Variants in RASA3 observed in about 807,000 individuals in gnomAD.
RASA3 encodes ras GTPase-activating protein 3.
RASA3 carries 73 observed loss-of-function variants against 110.0 expected under a neutral mutation model. The observed-to-expected ratio is 0.66, with a 90% CI of 0.55 to 0.81. RASA3 has a LOEUF of 0.81. Ranked by LOEUF, RASA3 falls within the 30% of genes least tolerant of loss-of-function variation. RASA3 has a pLI of 0.00. For synonymous variants in RASA3, 500 were observed against 451.4 expected (o/e 1.11, Z -1.37); for missense variants, 976 against 1,113.2 (o/e 0.88, Z 1.75).
At position 113,996,593 on chromosome 13, in the gene RASA3, G is replaced by A. The variant is rs373782995; in HGVS notation, c.2079C>T (p.Ser693=). The A allele has an allele frequency of 8.1e-6, 13 of 1,613,460 alleles. No homozygotes were observed. The highest frequency in any genetic ancestry group is 3.3e-5 in the Admixed American group (2 of 60,002). Residue 693 remains serine (S), a synonymous_variant, in exon 21 of 24, where the codon AGC becomes AGT. Coordinates refer to ENST00000334062, the MANE Select transcript of RASA3 (RefSeq NM_007368.4). The part of the protein sequence containing the change: ...LTVYHPSAYL[S]GHWLCCRAPS... ...GCGCCCTACAGCACAGCCAGTGGCC[G>A]CTCAGGTAGGCGGACGGGTGGTAGA...
At position 114,022,605 on chromosome 13, in the gene RASA3, G is replaced by C. The variant is rs1380825592; in HGVS notation, c.681-1097C>G. On this transcript the variant is annotated intron_variant, in intron 8 of 23. Transcript: ENST00000334062. ...GCACCACAGAGGCACTGGCATCTGG[G>C]CCGGGGAGGGCTGACAGGCTGCACA... Among the ~76,000 whole-genome samples the C allele has an allele frequency of 5.6e-4, 86 of 152,342 alleles. 1 individual carries two copies. The highest frequency in any genetic ancestry group is 2.9e-5 in the Non-Finnish European group (2 of 68,042).
At chr13:114,090,327 G>C (rs936291637) in intron 1 of RASA3, among the ~76,000 whole-genome samples, 1 of 152,194 alleles carries the variant, frequency 6.6e-6, no homozygotes, top group Non-Finnish European at 1.5e-5. Flanking sequence ...TTTGCTTTGA[G>C]TCAGAGAAAT....
rs528153988 is a variant in RASA3 at position 114,045,633 on chromosome 13, A to G, written c.278-4539T>C. Among the ~76,000 whole-genome samples the G allele has an allele frequency of 1.8e-3, 281 of 152,378 alleles. 1 individual carries two copies. The highest frequency in any genetic ancestry group is 3.2e-3 in the Non-Finnish European group (219 of 68,040). On this transcript the variant is annotated intron_variant, in intron 3 of 23. Transcript: ENST00000334062. Reference sequence around the variant, plus strand: ...AAGCCTTTATTCATAGAATGTACAAAAAAAAATCTACAGGCAAAGCTAATA... The same window carrying G: ...AAGCCTTTATTCATAGAATGTACAAGAAAAAATCTACAGGCAAAGCTAATA...
intron 18 of RASA3, among the ~76,000 whole-genome samples, chr13:114,001,785 C>T (rs1476530109): frequency 6.6e-6 from 1 of 152,152 alleles, no homozygotes; most frequent in African/African-American, 2.4e-5. Flanking sequence ...GGCTTGGGGC[C>T]GGGGCAGGCA....
Position 113,979,219 on chromosome 13 carries a change from T to C in RASA3, c.*128A>G. ...TGGGAGAGGGAAACCCCAGCGCCACTTGTCTATGGGCCGGGACGGCGTGCA... is the reference window on the plus strand; with the variant it reads ...TGGGAGAGGGAAACCCCAGCGCCACCTGTCTATGGGCCGGGACGGCGTGCA... On this transcript the variant is annotated 3_prime_UTR_variant, in exon 24 of 24. Coordinates refer to ENST00000334062, the MANE Select transcript of RASA3 (RefSeq NM_007368.4). The C allele has an allele frequency of 1.1e-6, 1 of 926,592 alleles. No individual in the cohort carries two copies. Among genetic ancestry groups the C allele is most frequent in the Non-Finnish European group, 1.7e-6 (1 of 588,208 alleles). 57.4% of individuals were successfully genotyped at this position (926,592 alleles called of 1,614,324 possible).
chr13:113,996,270 T>TC (rs1332196362), intron 21 of RASA3, among the ~76,000 whole-genome samples: 2 of 151,980 alleles, frequency 1.3e-5, no homozygotes, highest in South Asian at 2.1e-4. Flanking sequence ...GACCTCCCGC[T>TC]CCCCCGGGGC....
intron 1 of RASA3, among the ~76,000 whole-genome samples, chr13:114,125,142 CAT>C (rs1400514271): frequency 2.0e-5 from 3 of 152,158 alleles, no homozygotes; most frequent in African/African-American, 7.2e-5. Flanking sequence ...TCCTGCGAGT[CAT>C]GTGGTTTGGC....
At chr13:114,061,139 A>T (rs1432391153) in intron 2 of RASA3, among the ~76,000 whole-genome samples, 1 of 152,136 alleles carries the variant, frequency 6.6e-6, no homozygotes, top group African/African-American at 2.4e-5. Context: ...TCAGTGGCAA[A>T]TATTTCGAGG....
rs112585113 is a variant in RASA3, at chr13:114,010,629, C to T, written c.1590+542G>A. On this transcript the variant is annotated intron_variant, in intron 16 of 23. Transcript: ENST00000334062. Reference sequence around the variant, plus strand: ...GAGCGCCACGTTGGGAGGAGGCGGCCGCTTGGGGAGGAAGCGCCACGTGGG... The same window carrying T: ...GAGCGCCACGTTGGGAGGAGGCGGCTGCTTGGGGAGGAAGCGCCACGTGGG... Among the ~76,000 whole-genome samples the T allele has an allele frequency of 1.9e-3, 171 of 92,054 alleles. 1 individual carries two copies. The highest frequency in any genetic ancestry group is 7.0e-3 in the African/African-American group (158 of 22,518). The allele number at this position is 92,054 out of a possible 152,430, so 60.4% of individuals were successfully genotyped here.
intron 1 of RASA3, among the ~76,000 whole-genome samples, chr13:114,102,467 A>G (rs2080072266): frequency 6.6e-6 from 1 of 151,856 alleles, no homozygotes; most frequent in Non-Finnish European, 1.5e-5. Context: ...CTCAGGTCCC[A>G]CCCTCCCCCA....
At chr13:114,119,097 G>A (rs942257977) in intron 1 of RASA3, among the ~76,000 whole-genome samples, 1 of 147,472 alleles carries the variant, frequency 6.8e-6, no homozygotes, top group Non-Finnish European at 1.5e-5. Flanking sequence ...CTTTTCCCCG[G>A]CCTGGGAAGG....
chr13:114,062,946 CAA>C (rs2079386700), intron 2 of RASA3, among the ~76,000 whole-genome samples: 1 of 152,190 alleles, frequency 6.6e-6, no homozygotes, highest in Non-Finnish European at 1.5e-5. Flanking sequence ...ACGAAATGCC[CAA>C]GAGAGGCACA....
chr13:114,017,407 G>A (rs1454113281), intron 11 of RASA3, 56 bp from the exon 12 acceptor site: 19 of 1,435,950 alleles, frequency 1.3e-5, no homozygotes, highest in South Asian at 4.6e-5. Flanking sequence ...AAGTGCAGAC[G>A]GAGCAGAGCC....
chr13:114,038,650 G>A (rs1210339286), intron 4 of RASA3, among the ~76,000 whole-genome samples: 2 of 152,208 alleles, frequency 1.3e-5, no homozygotes, highest in African/African-American at 4.8e-5. Context: ...CATGACCTTG[G>A]CAAATGGCAA....
At chr13:114,005,301 C>T (rs767987661) in intron 18 of RASA3, among the ~76,000 whole-genome samples, 8 of 152,134 alleles carry the variant, frequency 5.3e-5, no homozygotes, top group Non-Finnish European at 2.9e-5. Flanking sequence ...AAGCCCCGAG[C>T]GGGAGTGGGA....
intron 13 of RASA3, 44 bp downstream of exon 13, chr13:114,016,153 C>CT (rs756578096): frequency 6.6e-7 from 1 of 1,512,662 alleles, no homozygotes; most frequent in Non-Finnish European, 9.2e-7. Flanking sequence ...CTGAAAAACC[C>CT]CAAGCAGGTG....
At position 113,979,147 on chromosome 13, in the gene RASA3, G is replaced by A. The variant is rs2052846022; in HGVS notation, c.*200C>T. The A allele has an allele frequency of 3.4e-6, 2 of 593,264 alleles. No individual in the cohort carries two copies. Among genetic ancestry groups the A allele is most frequent in the Non-Finnish European group, 6.0e-6 (2 of 331,990 alleles). The allele number at this position is 593,264 out of a possible 1,614,324, so 36.7% of individuals were successfully genotyped here. On this transcript the variant is annotated 3_prime_UTR_variant, in exon 24 of 24. Transcript: ENST00000334062. ...ATCAAATGACGACACGTTCCACAGG[G>A]CCAGGTGGGCTTTCTGCGGAGGGCG...
At chr13:114,129,831 G>A (rs2139808675) in intron 1 of RASA3, among the ~76,000 whole-genome samples, 1 of 152,230 alleles carries the variant, frequency 6.6e-6, no homozygotes, top group East Asian at 1.9e-4. Context: ...GTCACTGGCA[G>A]ACTCATGGGC....
rs147169279 is a variant in RASA3 at position 114,042,478 on chromosome 13, G to A, written c.278-1384C>T. ...CTCACGTCTTCGTTCTGCACCCAGAGACACACACGCCCTCCTTAAGGATCT... is the reference window on the plus strand; with the variant it reads ...CTCACGTCTTCGTTCTGCACCCAGAAACACACACGCCCTCCTTAAGGATCT... On this transcript the variant is annotated intron_variant, in intron 3 of 23. Coordinates refer to ENST00000334062, the MANE Select transcript of RASA3 (RefSeq NM_007368.4). 5.3e-3 allele frequency among the ~76,000 whole-genome samples: 809 copies of A among 152,390 alleles called. 3 individuals are homozygous for A. The highest frequency in any genetic ancestry group is 9.1e-3 in the Non-Finnish European group (622 of 68,036).
Sources: gnomAD v4.1 joint callset for allele counts (sites outside exome capture counted in the v4.1 genomes callset) on GRCh38, gnomAD v4.1.1 for gene constraint, MANE v1.5 for transcripts, NCBI Gene and HGNC (gene_info 2026-07-23, HGNC 2026-07-21) for gene names.